The following PNPLA2 variants were observed in gnomAD, a reference collection of about 807,000 sequenced individuals.
The protein encoded by PNPLA2 is patatin like domain 2, triacylglycerol lipase.
In PNPLA2, 28 loss-of-function variants were observed where a neutral mutation model predicts 39.7. That is an observed-to-expected ratio of 0.70 (90% CI 0.52 to 0.97). The LOEUF (loss-of-function observed/expected upper bound fraction) is 0.97, where lower values mean the gene tolerates loss of function less well. PNPLA2 is among the 50% of genes least tolerant of loss of function. The pLI is 0.00. For missense variants in PNPLA2, 768 were observed against 698.2 expected (o/e 1.10, Z -1.13); for synonymous variants, 392 against 321.1 (o/e 1.22, Z -2.36).
intron 2 of PNPLA2, among the ~76,000 whole-genome samples, chr11:820,509 G>A (rs1434587180): frequency 6.6e-6 from 1 of 152,216 alleles, no homozygotes; most frequent in African/African-American, 2.4e-5. Context: ...CATGGGTGAG[G>A]GTGCTTCTGG....
rs150770244 is a variant in PNPLA2, at chr11:824,410, G to A, written c.1149G>A (p.Arg383=). Residue 383 remains arginine (R), a synonymous_variant, in exon 9 of 10, where the codon AGG becomes AGA. Transcript: ENST00000336615. ...ICQYLVMRAK[R]KLGRHLPSRL... is the part of the protein sequence containing the mutation. Reference sequence around the variant, plus strand: ...AGTACCTGGTGATGCGCGCCAAGAGGAAGCTGGGCAGGCACCTGCCCTCCA... The same window carrying A: ...AGTACCTGGTGATGCGCGCCAAGAGAAAGCTGGGCAGGCACCTGCCCTCCA... 11,509 of 1,554,834 alleles carry A rather than the reference G, an allele frequency of 7.4e-3. 62 individuals carry two copies. Among genetic ancestry groups the A allele is most frequent in the Non-Finnish European group, 8.5e-3 (9,718 of 1,149,632 alleles).
intron 1 of PNPLA2, 137 bp from the exon 2 acceptor site, chr11:819,437 G>A (rs1845594391): frequency 8.6e-7 from 1 of 1,162,704 alleles, no homozygotes; most frequent in Non-Finnish European, 1.1e-6. Context: ...CTCCAGCGCG[G>A]GGGGCCGGGT....
At chr11:819,069 C>G (rs1409252674) in intron 1 of PNPLA2, 111 bp downstream of exon 1, 3 of 152,466 alleles carry the variant, frequency 2.0e-5, no homozygotes, top group Non-Finnish European at 4.4e-5. Context: ...TTGCGGGACT[C>G]GCATCCGGCC....
chr11:822,661 A>G, intron 5 of PNPLA2, 55 bp downstream of exon 5: 2 of 1,403,202 alleles, frequency 1.4e-6, no homozygotes, highest in South Asian at 2.3e-5. Context: ...CTGGGCACCA[A>G]GGGAGAACAC....
In PNPLA2 at chr11:819,576, T is replaced by A; in HGVS notation, c.-143T>A. The A allele has an allele frequency of 1.6e-6, 2 of 1,286,158 alleles. No individual in the cohort carries two copies. Among genetic ancestry groups the A allele is most frequent in the Non-Finnish European group, 2.0e-6 (2 of 1,011,174 alleles). 79.7% of individuals were successfully genotyped at this position (1,286,158 alleles called of 1,614,324 possible). A position where few individuals can be genotyped will look rare whatever the true frequency, so the allele number is the denominator to read the frequency against. On this transcript the variant is annotated splice_region_variant and 5_prime_UTR_variant, in exon 2 of 10. Coordinates refer to ENST00000336615, the MANE Select transcript of PNPLA2 (RefSeq NM_020376.4). ...CCGCCTCCGCGCCGCCCGCGTAGCT[T>A]CTTCGCCTCCGCCAGCGGGGACCCC...
At position 821,836 on chromosome 11, in the gene PNPLA2, C is replaced by T. The variant is rs780895511; in HGVS notation, c.396C>T (p.Phe132=). 8.7e-6 allele frequency: 14 copies of T among 1,613,796 alleles called. No individual in the cohort carries two copies. In the East Asian group the frequency reaches 2.4e-4, roughly 28 times the overall value. Residue 132 remains phenylalanine, a synonymous_variant, in exon 3 of 10, where the codon TTC becomes TTT. Transcript: ENST00000336615. ...GCGAGAATGTCATTATATCCCACTT[C>T]AACTCCAAGGACGAGCTCATCCAGG... is the stretch of plus-strand genomic sequence containing the variant. ...SDGENVIISH[F]NSKDELIQAN... is the part of the protein sequence containing the mutation.
In PNPLA2 at chr11:823,804, C is replaced by T. The variant is rs768542280; in HGVS notation, c.868C>T (p.Leu290=). The part of the protein sequence containing the change: ...ESAQAEDYSQ[L]PGEDHILEHL... ...CGCCCAAGCGGAGGATTACTCGCAGCTGCCCGGAGAAGATCACATCCTGGA... is the reference window on the plus strand; with the variant it reads ...CGCCCAAGCGGAGGATTACTCGCAGTTGCCCGGAGAAGATCACATCCTGGA... The change falls in exon 7 of 10, where the codon CTG becomes TTG. Residue 290 remains leucine (L), a synonymous_variant. Coordinates refer to ENST00000336615, the MANE Select transcript of PNPLA2 (RefSeq NM_020376.4). 16 of 1,604,904 alleles carry T rather than the reference C, an allele frequency of 1.0e-5. No homozygotes were observed. The highest frequency in any genetic ancestry group is 1.3e-5 in the Non-Finnish European group (15 of 1,176,668).
rs1214902934 is a variant in PNPLA2 at position 824,101 on chromosome 11, G to C, written c.1023G>C (p.Pro341=). 1.2e-6 allele frequency: 2 copies of C among 1,601,086 alleles called. No individual in the cohort carries two copies. Among genetic ancestry groups the C allele is most frequent in the African/African-American group, 2.7e-5 (2 of 74,746 alleles). The stretch of plus-strand genomic sequence containing the variant: ...CCATGATGGTGCCCTACACGCTGCC[G>C]CTGGAGAGCGCTCTGTCCTTCACCA... The part of the protein sequence containing the change: ...ATAMMVPYTL[P]LESALSFTIR... The change falls in exon 8 of 10, where the codon CCG becomes CCC. Residue 341 remains proline, a synonymous_variant. Coordinates refer to ENST00000336615, the MANE Select transcript of PNPLA2 (RefSeq NM_020376.4).
At chr11:822,144 C>A in intron 4 of PNPLA2, 121 bp downstream of exon 4, 1 of 924,178 alleles carries the variant, frequency 1.1e-6, no homozygotes, top group Non-Finnish European at 1.7e-6. Flanking sequence ...TACCCACTTC[C>A]CCTGTGTTAC....
chr11:820,007 G>A (rs557881346), intron 2 of PNPLA2, 102 bp downstream of exon 2: 1 of 906,506 alleles, frequency 1.1e-6, no homozygotes, highest in Non-Finnish European at 1.5e-6. Flanking sequence ...GAGTCGGTGG[G>A]TACCGTGGGG....
rs1565091357 is a variant in PNPLA2 at position 824,668 on chromosome 11, C to T, written c.1321C>T (p.Arg441Cys). The T allele has an allele frequency of 6.3e-7, 1 of 1,596,786 alleles. No homozygotes were observed. The highest frequency in any genetic ancestry group is 1.7e-5 in the Admixed American group (1 of 59,526). The change falls in exon 10 of 10, where the codon CGC (arginine) becomes TGC (cysteine). Residue 441 changes from arginine (R) to cysteine (C), a missense_variant. By Grantham distance (180) the Arg-to-Cys change is radical. Coordinates refer to ENST00000336615, the MANE Select transcript of PNPLA2 (RefSeq NM_020376.4). ...DALAKWEECQ[R>C]QLLLGLFCTN... ...GCTGGCCAAGTGGGAGGAGTGCCAG[C>T]GCCAGCTGCTGCTCGGCCTCTTCTG... is the stretch of plus-strand genomic sequence containing the variant.
At position 819,916 on chromosome 11, in the gene PNPLA2, C is replaced by A; in HGVS notation, c.187+11C>A. The A allele has an allele frequency of 1.5e-6, 2 of 1,344,428 alleles. No homozygotes were observed. Among genetic ancestry groups the A allele is most frequent in the East Asian group, 3.1e-5 (1 of 31,850 alleles). 83.3% of individuals were successfully genotyped at this position (1,344,428 alleles called of 1,614,324 possible). On this transcript the variant is annotated intron_variant, in intron 2 of 9. Transcript: ENST00000336615. The stretch of plus-strand genomic sequence containing the variant: ...CCGGGGTCTGCCTGGGTGAGCGGGG[C>A]CGGGGGCGGCAGGCGGGGGGCTGGC...
intron 5 of PNPLA2, 66 bp downstream of exon 5, chr11:822,672 T>C: frequency 1.5e-6 from 2 of 1,335,656 alleles, no homozygotes; most frequent in Non-Finnish European, 2.1e-6. Flanking sequence ...GGGAGAACAC[T>C]GATCCTTTGA....
rs977123166 is a variant in PNPLA2, at chr11:824,590, T to C, written c.1243T>C (p.Tyr415His). The C allele has an allele frequency of 3.5e-5, 56 of 1,585,874 alleles. No individual in the cohort carries two copies. Among genetic ancestry groups the C allele is most frequent in the Non-Finnish European group, 4.6e-5 (54 of 1,170,990 alleles). The change falls in exon 10 of 10, where the codon TAC becomes CAC. Residue 415 changes from tyrosine (Y) to histidine (H), a missense_variant. By Grantham distance (83) the Tyr-to-His change is moderately conservative (BLOSUM62 2). Transcript: ENST00000336615. ...GTCCGTGCCGCTGTCCTGCGCCGCC[T>C]ACAGAGAGGCACTGCCCGGCTGGAT... ...LPSVPLSCAA[Y>H]REALPGWMRN...
Position 821,993 on chromosome 11 carries a change from T to G in PNPLA2, c.456T>G (p.Cys152Trp). The change falls in exon 4 of 10, where the codon TGT becomes TGG. Residue 152 changes from cysteine to tryptophan, a missense_variant. Coordinates refer to ENST00000336615, the MANE Select transcript of PNPLA2 (RefSeq NM_020376.4). ...NVCSGFIPVY[C>W]GLIPPSLQGV... ...GCAGCGGTTTCATCCCCGTGTACTGTGGGCTCATCCCTCCCTCCCTCCAGG... is the reference window on the plus strand; with the variant it reads ...GCAGCGGTTTCATCCCCGTGTACTGGGGGCTCATCCCTCCCTCCCTCCAGG... 6.2e-7 allele frequency: 1 copy of G among 1,613,846 alleles called. No individual in the cohort carries two copies. Among genetic ancestry groups the G allele is most frequent in the Non-Finnish European group, 8.5e-7 (1 of 1,179,974 alleles).
At position 823,603 on chromosome 11, in the gene PNPLA2, CG is replaced by C; in HGVS notation, c.757+19del. ...CAGCGGAACGGTGCGCGGACCCGGG[CG>C]GGAGAGGGCGGGGTGGGCTCGGCTC... On this transcript the variant is annotated intron_variant, in intron 6 of 9. Coordinates refer to ENST00000336615, the MANE Select transcript of PNPLA2 (RefSeq NM_020376.4). 8.8e-7 allele frequency: 1 copy of C among 1,134,768 alleles called. No homozygotes were observed. The highest frequency in any genetic ancestry group is 2.9e-5 in the East Asian group (1 of 34,248). 70.3% of individuals were successfully genotyped at this position (1,134,768 alleles called of 1,614,324 possible).
At chr11:821,469 G>A in intron 2 of PNPLA2, 159 bp from the exon 3 acceptor site, 1 of 666,850 alleles carries the variant, frequency 1.5e-6, no homozygotes, top group Non-Finnish European at 2.7e-6. Flanking sequence ...TGCCATCCCA[G>A]GGGAGGTGGC....
In PNPLA2 at chr11:821,815, G is replaced by A; in HGVS notation, c.375G>A (p.Glu125=). ...CCCTGACCCGCGTGTCAGACGGCGAGAATGTCATTATATCCCACTTCAACT... is the reference window on the plus strand; with the variant it reads ...CCCTGACCCGCGTGTCAGACGGCGAAAATGTCATTATATCCCACTTCAACT... The part of the protein sequence containing the change: ...GISLTRVSDG[E]NVIISHFNSK... The change falls in exon 3 of 10, where the codon GAG becomes GAA. Residue 125 remains glutamate (E), a synonymous_variant. Coordinates refer to ENST00000336615, the MANE Select transcript of PNPLA2 (RefSeq NM_020376.4). 1 of 1,613,964 alleles carries A rather than the reference G, an allele frequency of 6.2e-7. No homozygotes were observed. Among genetic ancestry groups the A allele is most frequent in the South Asian group, 1.1e-5 (1 of 91,080 alleles).
In PNPLA2 at chr11:825,133, T is replaced by G; in HGVS notation, c.*271T>G. On this transcript the variant is annotated 3_prime_UTR_variant, in exon 10 of 10. Transcript: ENST00000336615. ...TGAGAACTTTGCAGCTGCCCTTCCC[T>G]CCCCGTTTTTCATGGCCTGCTGAAA... is the stretch of plus-strand genomic sequence containing the variant. 1 of 546,598 alleles carries G rather than the reference T, an allele frequency of 1.8e-6. No individual in the cohort carries two copies. Among genetic ancestry groups the G allele is most frequent in the Non-Finnish European group, 3.2e-6 (1 of 311,962 alleles). 33.9% of individuals were successfully genotyped at this position (546,598 alleles called of 1,614,324 possible).
Sources: allele counts gnomAD v4.1 joint callset (sites outside exome capture counted in the v4.1 genomes callset), GRCh38; gene constraint gnomAD v4.1.1; transcripts MANE v1.5; gene names NCBI Gene and HGNC (gene_info 2026-07-23, HGNC 2026-07-21).